Variants in AGBL1 observed in about 807,000 individuals in gnomAD.
AGBL1 encodes cytosolic carboxypeptidase 4.
AGBL1 carries 130 observed loss-of-function variants against 118.9 expected under a neutral mutation model. The ratio of observed to expected loss-of-function variants is 1.09; its 90% confidence interval spans 0.95 to 1.26. The LOEUF is 1.26. Among genes scored for constraint, AGBL1 ranks in the 50% most tolerant of loss-of-function variants. The probability of loss-of-function intolerance (pLI) is 0.00; values close to 1 mark genes in which losing one functional copy is unlikely to be tolerated. For synonymous variants in AGBL1, 555 were observed against 478.9 expected (o/e 1.16, Z -2.08); for missense variants, 1,584 against 1,298.1 (o/e 1.22, Z -3.38).
intron 17 of AGBL1, among the ~76,000 whole-genome samples, chr15:86,327,137 T>G (rs1416878651): frequency 6.6e-6 from 1 of 152,080 alleles, no homozygotes; most frequent in Non-Finnish European, 1.5e-5. Flanking sequence ...TCAACCTATG[T>G]GGATGGGTAC....
intron 22 of AGBL1, among the ~76,000 whole-genome samples, chr15:86,861,104 C>T (rs564141203): frequency 9.9e-5 from 15 of 152,180 alleles, no homozygotes; most frequent in South Asian, 6.2e-4. Flanking sequence ...TCACCTTTTT[C>T]CAAGCTCCCA....
intron 21 of AGBL1, among the ~76,000 whole-genome samples, chr15:86,608,881 C>G (rs1004191386): frequency 6.6e-6 from 1 of 152,178 alleles, no homozygotes; most frequent in Non-Finnish European, 1.5e-5. Context: ...TAAATGAGAT[C>G]TGGCCTATCA....
chr15:86,454,984 C>T (rs2082242182), intron 18 of AGBL1, among the ~76,000 whole-genome samples: 1 of 152,164 alleles, frequency 6.6e-6, no homozygotes, highest in African/African-American at 2.4e-5. Context: ...AGCCGTCTGT[C>T]TACAGGCAGA....
intron 20 of AGBL1, 55 bp from the exon 21 acceptor site, chr15:86,554,306 G>T: frequency 7.1e-7 from 1 of 1,403,306 alleles, no homozygotes; most frequent in Non-Finnish European, 9.6e-7. Flanking sequence ...TTTTTATGAT[G>T]ACTATCCCTA....
intron 17 of AGBL1, among the ~76,000 whole-genome samples, chr15:86,338,883 A>G (rs1315890624): frequency 6.6e-6 from 1 of 152,100 alleles, no homozygotes; most frequent in Admixed American, 6.5e-5. Context: ...TTTCACCATT[A>G]TATGTCATGT....
At chr15:86,995,808 T>C (rs1345178108) in intron 24 of AGBL1, among the ~76,000 whole-genome samples, 1 of 152,216 alleles carries the variant, frequency 6.6e-6, no homozygotes. Context: ...CTCAAATGTT[T>C]GGGAATTTTT....
intron 17 of AGBL1, among the ~76,000 whole-genome samples, chr15:86,373,030 T>G (rs1403562861): frequency 6.6e-6 from 1 of 152,218 alleles, no homozygotes; most frequent in African/African-American, 2.4e-5. Flanking sequence ...TGTTTATAGT[T>G]TCTGGCACGT....
At chr15:87,004,983 A>G (rs1000714833) in intron 24 of AGBL1, among the ~76,000 whole-genome samples, 1 of 152,144 alleles carries the variant, frequency 6.6e-6, no homozygotes, top group Non-Finnish European at 1.5e-5. Flanking sequence ...TTCTGGGTTG[A>G]AAATTATTTT....
intron 18 of AGBL1, among the ~76,000 whole-genome samples, chr15:86,417,841 C>A (rs548000415): frequency 4.6e-5 from 7 of 152,280 alleles, no homozygotes; most frequent in African/African-American, 9.6e-5. Flanking sequence ...TTCTGAAAAC[C>A]AAATTGCTAT....
intron 17 of AGBL1, among the ~76,000 whole-genome samples, chr15:86,342,993 C>T (rs7162652): frequency 0.024 from 3,588 of 152,190 alleles, 59 homozygotes; most frequent in Middle Eastern, 0.065. Flanking sequence ...TATTGCTGCA[C>T]ACCATTCAGA....
Position 86,174,828 on chromosome 15 carries a change from G to T in AGBL1, c.488+15802G>T, listed in dbSNP as rs1014337039. Among the ~76,000 whole-genome samples, 43 of 152,126 alleles carry T rather than the reference G, an allele frequency of 2.8e-4. 1 individual carries two copies. The highest frequency in any genetic ancestry group is 9.2e-4 in the Admixed American group (14 of 15,270). Reference sequence around the variant, plus strand: ...GATTTGTATATGTTGAACCATCCTTGCACTCCTGGGTTAAATCCCCCTTGA... The same window carrying T: ...GATTTGTATATGTTGAACCATCCTTTCACTCCTGGGTTAAATCCCCCTTGA... On this transcript the variant is annotated intron_variant, in intron 5 of 22. Coordinates refer to ENST00000614907, the MANE Select transcript of AGBL1 (RefSeq NM_001386094.1).
At chr15:86,173,454 C>T (rs2077441358) in intron 5 of AGBL1, among the ~76,000 whole-genome samples, 1 of 151,832 alleles carries the variant, frequency 6.6e-6, no homozygotes, top group Non-Finnish European at 1.5e-5. Flanking sequence ...TAATGTAGTC[C>T]CATTTGTCTG....
chr15:86,103,847 G>A (rs1896876716), intron 1 of AGBL1, among the ~76,000 whole-genome samples: 1 of 152,210 alleles, frequency 6.6e-6, no homozygotes. Flanking sequence ...GTGGCTTGCT[G>A]ACTTGCTCAG....
chr15:86,139,181 C>T (rs1395137529), intron 1 of AGBL1, among the ~76,000 whole-genome samples: 1 of 152,082 alleles, frequency 6.6e-6, no homozygotes, highest in Non-Finnish European at 1.5e-5. Flanking sequence ...CCTTGTTAGC[C>T]CAAAGCTCCC....
At chr15:86,108,818 G>A (rs1237673735) in intron 1 of AGBL1, among the ~76,000 whole-genome samples, 15 of 152,096 alleles carry the variant, frequency 9.9e-5, no homozygotes, top group Admixed American at 7.9e-4. Flanking sequence ...TTAGCCAGGC[G>A]TGGTGGCATG....
chr15:86,364,662 G>C (rs1408074489), intron 17 of AGBL1, among the ~76,000 whole-genome samples: 3 of 151,948 alleles, frequency 2.0e-5, no homozygotes, highest in Middle Eastern at 3.4e-3. Flanking sequence ...ATATACAACT[G>C]TATTTATTTC....
chr15:86,325,639 A>T (rs939510145), intron 17 of AGBL1, among the ~76,000 whole-genome samples: 2 of 152,166 alleles, frequency 1.3e-5, no homozygotes, highest in Non-Finnish European at 2.9e-5. Flanking sequence ...AGCCCAATCA[A>T]TATCTGCCGG....
intron 5 of AGBL1, among the ~76,000 whole-genome samples, chr15:86,168,797 A>G (rs192421761): frequency 6.6e-6 from 1 of 152,296 alleles, no homozygotes; most frequent in African/African-American, 2.4e-5. Flanking sequence ...CCATTTTTCT[A>G]AATTTTTATT....
intron 22 of AGBL1, among the ~76,000 whole-genome samples, chr15:86,875,150 C>T (rs1340737918): frequency 3.9e-5 from 6 of 152,176 alleles, no homozygotes; most frequent in Admixed American, 3.9e-4. Flanking sequence ...CACAATTTCT[C>T]TTCCCTGTAA....
Sources: allele counts gnomAD v4.1 joint callset (sites outside exome capture counted in the v4.1 genomes callset), GRCh38; gene constraint gnomAD v4.1.1; transcripts MANE v1.5; gene names NCBI Gene and HGNC (gene_info 2026-07-23, HGNC 2026-07-21).